The following PRIM1 variants were observed in gnomAD, a reference collection of about 807,000 sequenced individuals.
The protein encoded by PRIM1 is DNA primase small subunit.
PRIM1 carries 38 observed loss-of-function variants against 60.2 expected under a neutral mutation model. The ratio of observed to expected loss-of-function variants is 0.63; its 90% CI spans 0.49 to 0.83. The LOEUF (loss-of-function observed/expected upper bound fraction) is 0.83. Ranked by LOEUF, PRIM1 falls within the 40% of genes least tolerant of loss-of-function variation. The pLI is 0.00. For missense variants in PRIM1, 388 were observed against 506.2 expected (o/e 0.77, Z 2.24); for synonymous variants, 158 against 160.2 (o/e 0.99, Z 0.10).
At chr12:56,751,625 G>T (rs1353475682) in intron 1 of PRIM1, 1 of 153,936 alleles carries the variant, frequency 6.5e-6, no homozygotes, top group Non-Finnish European at 1.4e-5. Flanking sequence ...GCTCAACACC[G>T]TGGTAGATGT....
rs545286162 is a variant in PRIM1, at chr12:56,751,158, G to C, written c.141C>G (p.Phe47Leu). ...GAATGTAAATATCATCTTTCAATGT[G>C]AATGAAAATTCACGGTGTTGAAAGT... Reference protein sequence around the residue: ...KNYFQHREFSFTLKDDIYIRY... With the variant: ...KNYFQHREFSLTLKDDIYIRY... Residue 47 changes from phenylalanine (F) to leucine (L), a missense_variant, in exon 2 of 13, where the codon TTC (phenylalanine) becomes TTG (leucine). By Grantham distance (22) the Phe-to-Leu change is conservative (BLOSUM62 0). Around this residue, in one of 3 missense-constraint regions of PRIM1, gnomAD observed 156 missense variants for 175.8 expected, o/e 0.89. Coordinates refer to ENST00000338193, the MANE Select transcript of PRIM1 (RefSeq NM_000946.3). The C allele has an allele frequency of 1.3e-6, 2 of 1,562,610 alleles. No homozygotes were observed. The highest frequency in any genetic ancestry group is 1.7e-6 in the Non-Finnish European group (2 of 1,152,730).
intron 6 of PRIM1, 47 bp from the exon 7 acceptor site, chr12:56,743,143 C>T (rs1953883807): frequency 2.8e-6 from 4 of 1,449,362 alleles, no homozygotes; most frequent in Non-Finnish European, 3.6e-6. Flanking sequence ...ATCAGTAACA[C>T]ATATGCCACA....
chr12:56,742,892 A>C, intron 7 of PRIM1, 95 bp downstream of exon 7: 1 of 867,676 alleles, frequency 1.2e-6, no homozygotes, highest in Non-Finnish European at 1.7e-6. Context: ...TAAACTTATA[A>C]GTATATGAGA....
chr12:56,741,746 C>T lies in PRIM1; in HGVS notation c.840G>A (p.Gln280=). Residue 280 remains glutamine (Q), a splice_region_variant and synonymous_variant, in exon 8 of 13, where the codon CAG becomes CAA. Coordinates refer to ENST00000338193, the MANE Select transcript of PRIM1 (RefSeq NM_000946.3). ...TAATACAGATTTCAGTGGCATATACCTGATATCTGCTGGCTACTTTCTTCA... is the reference window on the plus strand; with the variant it reads ...TAATACAGATTTCAGTGGCATATACTTGATATCTGCTGGCTACTTTCTTCA... ...EHLKKVASRY[Q]NNIKNDKYGP... 1 of 1,613,024 alleles carries T rather than the reference C, an allele frequency of 6.2e-7. No individual in the cohort carries two copies. Among genetic ancestry groups the T allele is most frequent in the Non-Finnish European group, 8.5e-7 (1 of 1,179,182 alleles).
Position 56,731,706 on chromosome 12 carries a change from GCT to G in PRIM1, c.*7_*8del. 6.6e-7 allele frequency: 1 copy of G among 1,513,696 alleles called. No individual in the cohort carries two copies. The highest frequency in any genetic ancestry group is 9.0e-7 in the Non-Finnish European group (1 of 1,116,376). The allele number at this position is 1,513,696 out of a possible 1,614,324, so 93.8% of individuals were successfully genotyped here. Reference sequence around the variant, plus strand: ...GAAGATATCCACAATGGTTTGAGGAGCTCTGTCTTCAGAAATCTTTTTGTAAA... The same window carrying G: ...GAAGATATCCACAATGGTTTGAGGAGCTGTCTTCAGAAATCTTTTTGTAAA... On this transcript the variant is annotated 3_prime_UTR_variant, in exon 13 of 13. Transcript: ENST00000338193.
chr12:56,741,846 T>A lies in PRIM1; in HGVS notation c.749-9A>T. On this transcript the variant is annotated splice_polypyrimidine_tract_variant and intron_variant, in intron 7 of 12. Coordinates refer to ENST00000338193, the MANE Select transcript of PRIM1 (RefSeq NM_000946.3). ...AAGTTCATCATGAATTGGTGATGGG[T>A]CATTAAGGAACAGACTCATTTAGGG... 1 of 1,612,130 alleles carries A rather than the reference T, an allele frequency of 6.2e-7. No homozygotes were observed.
chr12:56,751,921 C>A (rs1402331537), intron 1 of PRIM1: 1 of 205,164 alleles, frequency 4.9e-6, no homozygotes, highest in Non-Finnish European at 9.7e-6. Flanking sequence ...GTAAACGGGG[C>A]ACCTAATGTG....
intron 12 of PRIM1, 142 bp from the exon 13 acceptor site, chr12:56,731,876 C>T (rs1953787559): frequency 1.5e-6 from 1 of 674,778 alleles, no homozygotes; most frequent in South Asian, 2.0e-5. Flanking sequence ...CTGAAGTCCA[C>T]ATCATAGGCT....
intron 5 of PRIM1, among the ~76,000 whole-genome samples, chr12:56,745,190 T>C (rs1235243471): frequency 6.6e-6 from 1 of 151,496 alleles, no homozygotes; most frequent in African/African-American, 2.4e-5. Context: ...AGTGGGAGGA[T>C]AGTTTGAGTT....
intron 11 of PRIM1, among the ~76,000 whole-genome samples, chr12:56,734,794 A>T (rs1312475230): frequency 7.1e-6 from 1 of 141,250 alleles, no homozygotes; most frequent in African/African-American, 2.8e-5. Context: ...ATATATATAT[A>T]ATATATATAC....
At chr12:56,746,645 C>T in intron 4 of PRIM1, 136 bp downstream of exon 4, 1 of 670,924 alleles carries the variant, frequency 1.5e-6, no homozygotes. Flanking sequence ...CACACACACA[C>T]ACACACACAC....
At chr12:56,744,280 G>A (rs1488490518) in intron 5 of PRIM1, among the ~76,000 whole-genome samples, 157 bp from the exon 6 acceptor site, 1 of 152,100 alleles carries the variant, frequency 6.6e-6, no homozygotes, top group Non-Finnish European at 1.5e-5. Flanking sequence ...TGAGGTGGGT[G>A]GATCACCTGA....
chr12:56,750,703 C>CCT (rs779610711), intron 2 of PRIM1, among the ~76,000 whole-genome samples: 4 of 151,840 alleles, frequency 2.6e-5, no homozygotes, highest in East Asian at 1.9e-4. Context: ...GATTCTCCTG[C>CCT]CTCAGCCTCC....
At position 56,741,568 on chromosome 12, in the gene PRIM1, G is replaced by T. The variant is rs2137862955; in HGVS notation, c.849C>A (p.Ile283=). The T allele has an allele frequency of 2.5e-6, 4 of 1,610,098 alleles. No individual in the cohort carries two copies. Among genetic ancestry groups the T allele is most frequent in the South Asian group, 1.1e-5 (1 of 89,908 alleles). ...GCCAGGGTCCATATTTGTCATTTTT[G>T]ATGTTATTCTAAAAGCAGATACAAG... ...KKVASRYQNN[I]KNDKYGPWLE... is the part of the protein sequence containing the mutation. The change falls in exon 9 of 13, where the codon ATC becomes ATA. Residue 283 remains isoleucine (I), a synonymous_variant. Transcript: ENST00000338193.
Position 56,737,562 on chromosome 12 carries a change from C to T in PRIM1, c.1144+872G>A, listed in dbSNP as rs536643735. Among the ~76,000 whole-genome samples, 7 of 151,642 alleles carry T rather than the reference C, an allele frequency of 4.6e-5. 1 individual carries two copies. In the South Asian group the frequency reaches 8.4e-4, roughly 18 times the overall value. On this transcript the variant is annotated intron_variant, in intron 11 of 12. Transcript: ENST00000338193. ...CAGGGTTTCTCCATGTTGGTCAGGC[C>T]GGTCTCGAACTCAGGACCTCAGGTG... is the stretch of plus-strand genomic sequence containing the variant.
At chr12:56,747,527 C>T (rs771556280) in intron 2 of PRIM1, among the ~76,000 whole-genome samples, 2 of 152,160 alleles carry the variant, frequency 1.3e-5, no homozygotes, top group Non-Finnish European at 2.9e-5. Flanking sequence ...GGGCAGATCA[C>T]TTGAGGTCAG....
Position 56,733,218 on chromosome 12 carries a change from C to A in PRIM1, c.1243+929G>T, listed in dbSNP as rs1316748876. ...TGTTGCCCAGGCTGGAGTGCGATGG[C>A]ACAATTTCAGCTCACTGCAACCTCT... is the stretch of plus-strand genomic sequence containing the variant. On this transcript the variant is annotated intron_variant, in intron 12 of 12. Transcript: ENST00000338193. Among the ~76,000 whole-genome samples, 4 of 130,978 alleles carry A rather than the reference C, an allele frequency of 3.1e-5. No individual in the cohort carries two copies. The Admixed American group carries it at 3.2e-4, about 10-fold the overall frequency. The allele number at this position is 130,978 out of a possible 152,430, so 85.9% of individuals were successfully genotyped here.
intron 2 of PRIM1, among the ~76,000 whole-genome samples, chr12:56,748,457 C>A (rs1272724926): frequency 6.6e-6 from 1 of 151,852 alleles, no homozygotes; most frequent in African/African-American, 2.4e-5. Flanking sequence ...GAAACCCCGT[C>A]TCTACTAAAA....
In PRIM1 at chr12:56,743,040, T is replaced by C. The variant is rs1170152723; in HGVS notation, c.695A>G (p.Asp232Gly). 1.3e-6 allele frequency: 2 copies of C among 1,541,554 alleles called. No homozygotes were observed. The highest frequency in any genetic ancestry group is 1.7e-6 in the Non-Finnish European group (2 of 1,146,672). ...YFEEYALVNQ[D>G]ILENKESWDK... ...CCAGCTTTCTTTATTTTCGAGAATATCTTGATTAACCAAGGCATATTCTTC... is the reference window on the plus strand; with the variant it reads ...CCAGCTTTCTTTATTTTCGAGAATACCTTGATTAACCAAGGCATATTCTTC... Residue 232 changes from aspartate to glycine, a missense_variant, in exon 7 of 13, where the codon GAT (aspartate) becomes GGT (glycine). Around this residue, in one of 3 missense-constraint regions of PRIM1, gnomAD observed 211 missense variants for 277.9 expected, o/e 0.76. Coordinates refer to ENST00000338193, the MANE Select transcript of PRIM1 (RefSeq NM_000946.3).
Sources: allele counts gnomAD v4.1 joint callset (sites outside exome capture counted in the v4.1 genomes callset), GRCh38; gene constraint gnomAD v4.1.1; regional missense constraint gnomAD v4.1.1; transcripts MANE v1.5; gene names NCBI Gene and HGNC (gene_info 2026-07-23, HGNC 2026-07-21).